The following TAF1 variants were observed in gnomAD, a reference collection of about 807,000 sequenced individuals.
TAF1 encodes the protein TATA-box binding protein associated factor 1, also known as transcription initiation factor TFIID subunit 1.
In TAF1, 2 loss-of-function variants were observed where a neutral mutation model predicts 138.5. The observed-to-expected ratio is 0.01, with a 90% CI of 0.01 to 0.05. The LOEUF (loss-of-function observed/expected upper bound fraction) is 0.05, where lower values mean the gene tolerates loss of function less well. Among genes scored for constraint, TAF1 ranks in the 10% least tolerant of loss-of-function variants. TAF1 has a pLI of 1.00. For synonymous variants in TAF1, 437 were observed against 503.2 expected, an observed-to-expected ratio of 0.87 and a Z score of 1.76; for missense variants, 709 against 1,478.0, an observed-to-expected ratio of 0.48 and a Z score of 8.53.
At chrX:71,392,767 T>A in intron 19 of TAF1, 49 bp downstream of exon 19, 1 of 1,187,473 alleles carries the variant, frequency 8.4e-7, no homozygotes, top group Non-Finnish European at 1.1e-6. Flanking sequence ...GAGAAAGAAA[T>A]GGGTGAGTGG....
intron 13 of TAF1, among the ~76,000 whole-genome samples, chrX:71,483,151 CTT>C (rs35875629): frequency 6.7e-5 from 5 of 74,930 alleles, no homozygotes; most frequent in East Asian, 9.3e-4. Context: ...TTTTTCTTTT[CTT>C]TTTTTTTTTT....
At chrX:71,439,820 TAC>T (rs775179384) in intron 32 of TAF1, among the ~76,000 whole-genome samples, 22 of 112,298 alleles carry the variant, frequency 2.0e-4, no homozygotes, top group Non-Finnish European at 3.6e-4. Context: ...CAAGAAATGG[TAC>T]AGAGTCCTGT....
intron 13 of TAF1, among the ~76,000 whole-genome samples, chrX:71,501,834 C>A (rs1431918557): frequency 9.0e-6 from 1 of 111,222 alleles, no homozygotes; most frequent in African/African-American, 3.3e-5. Context: ...CCCCTGAATT[C>A]TAAGGAAAAA....
At chrX:71,431,741 G>A (rs1255862904) in intron 32 of TAF1, among the ~76,000 whole-genome samples, 2 of 109,938 alleles carry the variant, frequency 1.8e-5, no homozygotes, top group African/African-American at 3.3e-5. Flanking sequence ...ATAGTGAAAC[G>A]CTGCCTCTAT....
chrX:71,504,741 CAA>C (rs41370846), intron 13 of TAF1, among the ~76,000 whole-genome samples: 28 of 5,674 alleles, frequency 4.9e-3, no homozygotes, highest in African/African-American at 0.012. Context: ...GACCCTGTCT[CAA>C]AAAAAAAAAA....
chrX:71,372,737 TAAA>T (rs2033164643), intron 3 of TAF1, among the ~76,000 whole-genome samples: 1 of 111,871 alleles, frequency 8.9e-6, no homozygotes, highest in African/African-American at 3.2e-5. Flanking sequence ...TTTTGTCACT[TAAA>T]ATTCAGTCTC....
chrX:71,456,234 T>G (rs145628198), intron 34 of TAF1, among the ~76,000 whole-genome samples: 1,729 of 112,015 alleles, frequency 0.015, 38 homozygotes, highest in African/African-American at 0.053. Flanking sequence ...AGTCAAAGCC[T>G]TAGACCCCAA....
At chrX:71,501,834 C>T (rs1431918557) in intron 13 of TAF1, among the ~76,000 whole-genome samples, 1 of 111,274 alleles carries the variant, frequency 9.0e-6, no homozygotes, top group South Asian at 3.8e-4. Context: ...CCCCTGAATT[C>T]TAAGGAAAAA....
intron 24 of TAF1, among the ~76,000 whole-genome samples, chrX:71,399,594 CAG>C (rs2035058737): frequency 1.5e-5 from 1 of 66,397 alleles, no homozygotes; most frequent in Admixed American, 2.3e-4. Flanking sequence ...TTTTTTGAGA[CAG>C]TGTCTCACTC....
chrX:71,434,817 G>A, intron 32 of TAF1, among the ~76,000 whole-genome samples: 1 of 112,487 alleles, frequency 8.9e-6, no homozygotes, highest in East Asian at 2.8e-4. Context: ...ATTTGCACCA[G>A]TCCCAAAAGG....
At chrX:71,451,892 A>G (rs760231920) in intron 32 of TAF1, among the ~76,000 whole-genome samples, 168 of 112,650 alleles carry the variant, frequency 1.5e-3, no homozygotes, top group Middle Eastern at 4.6e-3. Context: ...ACACAGACAC[A>G]GCAACCATCC....
chrX:71,382,379 G>A (rs769510892), intron 9 of TAF1, among the ~76,000 whole-genome samples, 157 bp from the exon 10 acceptor site: 3 of 107,229 alleles, frequency 2.8e-5, no homozygotes, highest in South Asian at 4.3e-4. Flanking sequence ...TTAGTAAATC[G>A]TGGACTAGAA....
rs201372159 is a variant in TAF1, at chrX:71,393,224, TTG to T, written c.3052-37_3052-36del. ...TTGTCCTTTGAAATCCCTGAATGATTTGTGTGTGTGTGTGTGTGTGTGTGTGT... is the reference window on the plus strand; with the variant it reads ...TTGTCCTTTGAAATCCCTGAATGATTTGTGTGTGTGTGTGTGTGTGTGTGT... On this transcript the variant is annotated intron_variant, in intron 20 of 37. Transcript: ENST00000423759. 0.14 allele frequency: 114,012 copies of T among 816,802 alleles called. 267 individuals are homozygous for T. The highest frequency in any genetic ancestry group is 0.15 in the East Asian group (3,644 of 24,560). The allele number at this position is 816,802 out of a possible 1,213,427, so 67.3% of individuals were successfully genotyped here. A position where few individuals can be genotyped will look rare whatever the true frequency, so the allele number is the denominator to read the frequency against.
At chrX:71,406,813 C>A in intron 26 of TAF1, 67 bp downstream of exon 26, 2 of 864,970 alleles carry the variant, frequency 2.3e-6, no homozygotes, top group African/African-American at 2.0e-5. Context: ...CTGTATGCCA[C>A]AGCTCTGACA....
chrX:71,431,562 A>G (rs1001472571), intron 32 of TAF1, among the ~76,000 whole-genome samples: 1 of 110,844 alleles, frequency 9.0e-6, no homozygotes, highest in Non-Finnish European at 1.9e-5. Context: ...CCCAAAAAAC[A>G]TAAGAGTCAC....
At chrX:71,376,890 G>A (rs745721710) in intron 4 of TAF1, 60 bp from the exon 5 acceptor site, 16 of 1,185,885 alleles carry the variant, frequency 1.3e-5, no homozygotes, top group Middle Eastern at 2.5e-4. Context: ...GGGTGTTTGC[G>A]GAATTCGAGG....
intron 32 of TAF1, among the ~76,000 whole-genome samples, chrX:71,452,421 C>A (rs1333197438): frequency 3.6e-5 from 4 of 110,068 alleles, no homozygotes; most frequent in African/African-American, 1.3e-4. Flanking sequence ...ACATCCCAGA[C>A]GGGGTGGCGG....
intron 13 of TAF1, among the ~76,000 whole-genome samples, chrX:71,496,992 A>G (rs1229691771): frequency 6.2e-5 from 7 of 112,365 alleles, no homozygotes; most frequent in African/African-American, 2.3e-4. Flanking sequence ...GTAGGATTAG[A>G]TAAGCATACT....
At position 71,377,574 on chromosome X, in the gene TAF1, G is replaced by T. The variant is rs372698302; in HGVS notation, c.715-29G>T. Reference sequence around the variant, plus strand: ...TGTTTTCCCATCTGACTTTGAGTCTGTGTCATAGTAATGTATTCTGTGTTC... The same window carrying T: ...TGTTTTCCCATCTGACTTTGAGTCTTTGTCATAGTAATGTATTCTGTGTTC... On this transcript the variant is annotated intron_variant, in intron 5 of 37. Coordinates refer to ENST00000423759, the MANE Select transcript of TAF1 (RefSeq NM_004606.5). 9 of 1,196,302 alleles carry T rather than the reference G, an allele frequency of 7.5e-6. No homozygotes were observed. The African/African-American group carries it at 1.4e-4, about 19-fold the overall frequency.
Sources: gnomAD v4.1 joint callset for allele counts (sites outside exome capture counted in the v4.1 genomes callset) on GRCh38, gnomAD v4.1.1 for gene constraint, MANE v1.5 for transcripts, NCBI Gene and HGNC (gene_info 2026-07-23, HGNC 2026-07-21) for gene names.